Variants in ARHGAP19 observed in about 807,000 individuals in gnomAD.
The protein encoded by ARHGAP19 is Rho GTPase activating protein 19.
In ARHGAP19, 48 loss-of-function variants were observed where a neutral mutation model predicts 60.9. That is an observed-to-expected ratio of 0.79 (90% CI 0.62 to 1.00). The LOEUF is 1.00. ARHGAP19 is among the 50% of genes least tolerant of loss of function. The pLI, the probability that ARHGAP19 is intolerant of heterozygous loss-of-function variation, is 0.00. For synonymous variants in ARHGAP19, 209 were observed against 215.5 expected (o/e 0.97, Z 0.27); for missense variants, 562 against 597.2 (o/e 0.94, Z 0.61).
Position 97,243,984 on chromosome 10 carries a change from T to C in ARHGAP19, c.1169A>G (p.Lys390Arg), listed in dbSNP as rs113796154. The C allele has an allele frequency of 4.8e-4, 778 of 1,608,838 alleles. 3 individuals carry two copies. The African/African-American group carries it at 9.4e-3, about 19-fold the overall frequency. ...TTTAGGCACCTGTCTAATAAGTTGT[T>C]TCTTCTTTGCTGACTCTGGCATATC... Reference protein sequence around the residue: ...VHDMPESAKKKQLIRQFNKQS... With the variant: ...VHDMPESAKKRQLIRQFNKQS... Residue 390 changes from lysine to arginine, a missense_variant, in exon 8 of 12, where the codon AAA (lysine) becomes AGA (arginine). Coordinates refer to ENST00000358531, the MANE Select transcript of ARHGAP19 (RefSeq NM_032900.6).
chr10:97,267,936 T>C (rs913750243), intron 1 of ARHGAP19, among the ~76,000 whole-genome samples: 3 of 152,356 alleles, frequency 2.0e-5, no homozygotes, highest in Non-Finnish European at 4.4e-5. Context: ...CTGGAGACAT[T>C]TTCCCCATTG....
intron 6 of ARHGAP19, among the ~76,000 whole-genome samples, chr10:97,254,781 T>C (rs759504382): frequency 6.6e-6 from 1 of 152,152 alleles, no homozygotes; most frequent in Admixed American, 6.6e-5. Flanking sequence ...TTTGTCCATA[T>C]AGCTGATAAA....
At position 97,265,067 on chromosome 10, in the gene ARHGAP19, C is replaced by T. The variant is rs191142840; in HGVS notation, c.323-161G>A. ...CTGGAAGTGCACCAGAAAACGCGAG[C>T]AGGACAACTCTCAATCAGCTCTCTC... is the stretch of plus-strand genomic sequence containing the variant. On this transcript the variant is annotated intron_variant, in intron 2 of 11. Coordinates refer to ENST00000358531, the MANE Select transcript of ARHGAP19 (RefSeq NM_032900.6). Among the ~76,000 whole-genome samples the T allele has an allele frequency of 9.9e-5, 15 of 152,258 alleles. No individual in the cohort carries two copies. In the East Asian group the frequency reaches 2.7e-3, roughly 27 times the overall value.
At chr10:97,289,061 C>T (rs1196408516) in intron 1 of ARHGAP19, among the ~76,000 whole-genome samples, 3 of 151,614 alleles carry the variant, frequency 2.0e-5, no homozygotes, top group Non-Finnish European at 4.4e-5. Flanking sequence ...TCATGATCCA[C>T]CTGCCTCAGC....
intron 3 of ARHGAP19, 95 bp downstream of exon 3, chr10:97,264,731 G>T: frequency 1.2e-6 from 1 of 825,352 alleles, no homozygotes. Flanking sequence ...TTTGTTGATG[G>T]TTAATTGGCA....
intron 1 of ARHGAP19, among the ~76,000 whole-genome samples, chr10:97,289,400 C>T (rs1843200288): frequency 6.6e-6 from 1 of 152,110 alleles, no homozygotes; most frequent in South Asian, 2.1e-4. Flanking sequence ...AGGTGTGAGC[C>T]ATCGCACCTG....
intron 1 of ARHGAP19, among the ~76,000 whole-genome samples, chr10:97,271,326 T>C (rs1842957058): frequency 1.3e-5 from 2 of 151,438 alleles, no homozygotes; most frequent in African/African-American, 4.8e-5. Flanking sequence ...CCATTCATAA[T>C]AAATAAATAA....
intron 6 of ARHGAP19, among the ~76,000 whole-genome samples, chr10:97,251,376 T>G (rs182693966): frequency 0.032 from 61 of 1,904 alleles, no homozygotes; most frequent in East Asian, 0.067. Context: ...GGAAGGGGAA[T>G]GGAAGGGAAG....
chr10:97,264,795 C>G, intron 3 of ARHGAP19, 31 bp downstream of exon 3: 1 of 1,530,508 alleles, frequency 6.5e-7, no homozygotes, highest in Non-Finnish European at 9.0e-7. Context: ...CTTCATTAAA[C>G]AAAGAATGAT....
At position 97,226,067 on chromosome 10, in the gene ARHGAP19, C is replaced by G; in HGVS notation, c.*55G>C. The G allele has an allele frequency of 1.9e-6, 3 of 1,596,894 alleles. No homozygotes were observed. The highest frequency in any genetic ancestry group is 2.6e-6 in the Non-Finnish European group (3 of 1,166,844). On this transcript the variant is annotated 3_prime_UTR_variant, in exon 12 of 12. Coordinates refer to ENST00000358531, the MANE Select transcript of ARHGAP19 (RefSeq NM_032900.6). ...AGCTTTGCTGTGGGCAGGAATAACA[C>G]CTGCCCACTAAACAGAAAATTCTGC...
intron 11 of ARHGAP19, 55 bp downstream of exon 11, chr10:97,229,092 T>TG: frequency 6.8e-7 from 1 of 1,471,716 alleles, no homozygotes; most frequent in Non-Finnish European, 9.5e-7. Context: ...TGCTACTGAC[T>TG]AGATGCAGAA....
rs1398061615 is a variant in ARHGAP19, at chr10:97,223,388, C to T, written c.*2734G>A. On this transcript the variant is annotated 3_prime_UTR_variant, in exon 12 of 12. Coordinates refer to ENST00000358531, the MANE Select transcript of ARHGAP19 (RefSeq NM_032900.6). ...GATTCATTGGTCCCAATGCAAAAGT[C>T]TATCATTGTAAAAGGTGAGAAATTC... 1 of 152,152 alleles carries T rather than the reference C, an allele frequency of 6.6e-6. No individual in the cohort carries two copies. The highest frequency in any genetic ancestry group is 1.5e-5 in the Non-Finnish European group (1 of 68,038). 9.4% of individuals were successfully genotyped at this position (152,152 alleles called of 1,614,324 possible).
rs1050660321 is a variant in ARHGAP19 at position 97,245,879 on chromosome 10, C to T, written c.993+393G>A. ...TGTGTCATCACTCTTACACAGAGGA[C>T]ACCATCTATCAGTGGAGAACCTCTG... On this transcript the variant is annotated intron_variant, in intron 7 of 11. Transcript: ENST00000358531. Among the ~76,000 whole-genome samples, 7 of 152,220 alleles carry T rather than the reference C, an allele frequency of 4.6e-5. 1 individual carries two copies. The highest frequency in any genetic ancestry group is 4.6e-4 in the Admixed American group (7 of 15,288).
chr10:97,244,278 G>A (rs938845946), intron 7 of ARHGAP19, 119 bp from the exon 8 acceptor site: 40 of 694,998 alleles, frequency 5.8e-5, no homozygotes, highest in Non-Finnish European at 8.0e-5. Flanking sequence ...CCTATACTCA[G>A]GAACAAGAAA....
At chr10:97,231,145 C>G (rs1299966721) in intron 9 of ARHGAP19, among the ~76,000 whole-genome samples, 1 of 147,126 alleles carries the variant, frequency 6.8e-6, no homozygotes, top group Non-Finnish European at 1.5e-5. Flanking sequence ...TCTCAATCAT[C>G]TCTATGACAG....
rs1483633930 is a variant in ARHGAP19 at position 97,222,904 on chromosome 10, T to A, written c.*3218A>T. Reference sequence around the variant, plus strand: ...GAGACATCTATTCCTAAAAATCACCTGGTTGCATGGCCAGTCACTGTGGGG... The same window carrying A: ...GAGACATCTATTCCTAAAAATCACCAGGTTGCATGGCCAGTCACTGTGGGG... On this transcript the variant is annotated 3_prime_UTR_variant, in exon 12 of 12. Coordinates refer to ENST00000358531, the MANE Select transcript of ARHGAP19 (RefSeq NM_032900.6). 6.6e-6 allele frequency: 1 copy of A among 152,198 alleles called. No individual in the cohort carries two copies. The highest frequency in any genetic ancestry group is 1.5e-5 in the Non-Finnish European group (1 of 68,042). The allele number at this position is 152,198 out of a possible 1,614,324, so 9.4% of individuals were successfully genotyped here. A position where few individuals can be genotyped will look rare whatever the true frequency, so the allele number is the denominator to read the frequency against.
chr10:97,242,110 C>G (rs929438732), intron 8 of ARHGAP19, among the ~76,000 whole-genome samples: 1 of 149,798 alleles, frequency 6.7e-6, no homozygotes, highest in African/African-American at 2.4e-5. Flanking sequence ...CTTAGACTGT[C>G]ATGTTTAGTG....
chr10:97,244,106 C>T lies in ARHGAP19; in HGVS notation c.1047G>A (p.Lys349=). 6.2e-7 allele frequency: 1 copy of T among 1,614,010 alleles called. No individual in the cohort carries two copies. Residue 349 remains lysine (K), a synonymous_variant, in exon 8 of 12, where the codon AAG becomes AAA. Coordinates refer to ENST00000358531, the MANE Select transcript of ARHGAP19 (RefSeq NM_032900.6). ...AATCTACCCGGTTCCGTTTCTGAGA[C>T]TTTGCCAGCTGAAAGGACTTAGTAT... ...SCHTKSFQLA[K]SQKRNRVDSC... is the part of the protein sequence containing the mutation.
At position 97,235,230 on chromosome 10, in the gene ARHGAP19, C is replaced by A. The variant is rs748060337; in HGVS notation, c.1271G>T (p.Ser424Ile). Residue 424 changes from serine to isoleucine, a missense_variant, in exon 9 of 12, where the codon AGT becomes ATT. Physicochemically the swap from Ser to Ile is moderately radical, Grantham distance 142. Transcript: ENST00000358531. ...CAGCATACCTACCTTAATAAGCCCA[C>A]TGAAGGAGCGCGAACGAGCCCTCTT... The part of the protein sequence containing the change: ...VQKRARSRSF[S>I]GLIKRKVLGN... 4 of 1,613,078 alleles carry A rather than the reference C, an allele frequency of 2.5e-6. No individual in the cohort carries two copies. Among genetic ancestry groups the A allele is most frequent in the South Asian group, 2.2e-5 (2 of 91,028 alleles).
Sources: allele counts gnomAD v4.1 joint callset (sites outside exome capture counted in the v4.1 genomes callset), GRCh38; gene constraint gnomAD v4.1.1; transcripts MANE v1.5; gene names NCBI Gene and HGNC (gene_info 2026-07-23, HGNC 2026-07-21).